Variants in NUP93 observed in about 807,000 individuals in gnomAD.
The protein encoded by NUP93 is nucleoporin 93, also known as nuclear pore complex protein Nup93.
Under a neutral mutation model 107.8 loss-of-function variants are expected in NUP93, and 55 were observed. That is an observed-to-expected ratio of 0.51 (90% CI 0.41 to 0.64). NUP93 has a LOEUF of 0.64. NUP93 is among the 30% of genes least tolerant of loss of function. NUP93 has a pLI of 0.00. For missense variants in NUP93, 937 were observed against 1,044.7 expected, an observed-to-expected ratio of 0.90 and a Z score of 1.42; for synonymous variants, 390 against 397.5, an observed-to-expected ratio of 0.98 and a Z score of 0.22.
rs1309794295 is a variant in NUP93, at chr16:56,779,934, G to C, written c.298-18542G>C. Among the ~76,000 whole-genome samples, 6 of 152,150 alleles carry C rather than the reference G, an allele frequency of 3.9e-5. No individual in the cohort carries two copies. The South Asian group carries it at 1.2e-3, about 32-fold the overall frequency. Reference sequence around the variant, plus strand: ...GACTTTAACCACACTTGGGTCTTTGGGTTCTTTTCATCCCCAGGCAGAGAT... The same window carrying C: ...GACTTTAACCACACTTGGGTCTTTGCGTTCTTTTCATCCCCAGGCAGAGAT... On this transcript the variant is annotated intron_variant, in intron 3 of 21. Transcript: ENST00000308159.
chr16:56,804,738 G>A (rs1028979334), intron 4 of NUP93, among the ~76,000 whole-genome samples: 9 of 151,974 alleles, frequency 5.9e-5, no homozygotes, highest in South Asian at 2.1e-4. Context: ...GTGAAACCCC[G>A]TCTCTAGTAA....
intron 5 of NUP93, among the ~76,000 whole-genome samples, chr16:56,810,938 C>G (rs1963302616): frequency 6.6e-6 from 1 of 152,120 alleles, no homozygotes; most frequent in South Asian, 2.1e-4. Context: ...TTTTATGTAA[C>G]CTTTTGTATA....
chr16:56,777,783 A>G (rs1318834555), intron 3 of NUP93, among the ~76,000 whole-genome samples: 1 of 152,192 alleles, frequency 6.6e-6, no homozygotes, highest in Non-Finnish European at 1.5e-5. Context: ...GCCTCGGTAC[A>G]TTGGCCAAGA....
At chr16:56,840,989 T>A (rs1405573343) in intron 20 of NUP93, among the ~76,000 whole-genome samples, 1 of 149,588 alleles carries the variant, frequency 6.7e-6, no homozygotes, top group African/African-American at 2.5e-5. Context: ...AGAGGGAGAC[T>A]TTGTCTCAAA....
At chr16:56,793,396 G>GTCA (rs1372437796) in intron 3 of NUP93, among the ~76,000 whole-genome samples, 7 of 152,136 alleles carry the variant, frequency 4.6e-5, no homozygotes, top group Admixed American at 2.0e-4. Context: ...AGCTCTGGGG[G>GTCA]TCATCATTAG....
rs77821562 is a variant in NUP93 at position 56,818,380 on chromosome 16, A to G, written c.490-284A>G. On this transcript the variant is annotated intron_variant, in intron 5 of 21. Coordinates refer to ENST00000308159, the MANE Select transcript of NUP93 (RefSeq NM_014669.5). ...TTGAGATTCAAACAGAATGTTGGAA[A>G]GATGTACATTTCCAGAAAAAGTCAT... 5.8e-3 allele frequency among the ~76,000 whole-genome samples: 885 copies of G among 152,336 alleles called. 11 individuals carry two copies. The highest frequency in any genetic ancestry group is 0.02 in the African/African-American group (817 of 41,580).
intron 1 of NUP93, among the ~76,000 whole-genome samples, chr16:56,745,807 A>G (rs1250636157): frequency 1.3e-5 from 2 of 152,230 alleles, no homozygotes; most frequent in South Asian, 4.1e-4. Context: ...TTATTTTACC[A>G]TTGTCAAAAA....
intron 9 of NUP93, among the ~76,000 whole-genome samples, chr16:56,829,837 T>C (rs892959196): frequency 6.6e-6 from 1 of 152,190 alleles, no homozygotes; most frequent in South Asian, 2.1e-4. Context: ...CAAGTTCAGA[T>C]CTGGGTTTTA....
chr16:56,783,473 T>A lies in NUP93; in HGVS notation c.298-15003T>A, dbSNP rs1295310313. On this transcript the variant is annotated intron_variant, in intron 3 of 21. Transcript: ENST00000308159. Reference sequence around the variant, plus strand: ...AGTGCAGCATTGCAAAGAATCGATTTCTGAGATGAGACAATGAGATGTGGT... The same window carrying A: ...AGTGCAGCATTGCAAAGAATCGATTACTGAGATGAGACAATGAGATGTGGT... 9 of 985,306 alleles carry A rather than the reference T, an allele frequency of 9.1e-6. No individual in the cohort carries two copies. In the African/African-American group the frequency reaches 1.2e-4, roughly 13 times the overall value. The allele number at this position is 985,306 out of a possible 1,614,324, so 61.0% of individuals were successfully genotyped here.
intron 3 of NUP93, among the ~76,000 whole-genome samples, chr16:56,794,656 C>T (rs369036357): frequency 3.3e-5 from 5 of 151,898 alleles, no homozygotes; most frequent in African/African-American, 1.2e-4. Flanking sequence ...AGGCTGGGCG[C>T]GGTGGCTCAT....
At chr16:56,731,724 G>A (rs575869368) in intron 1 of NUP93, among the ~76,000 whole-genome samples, 9 of 151,964 alleles carry the variant, frequency 5.9e-5, no homozygotes, top group Non-Finnish European at 1.2e-4. Context: ...TGTTTTTCAC[G>A]CCACAAATAA....
At position 56,847,494 on chromosome 16, in the gene NUP93, C is replaced by A. The variant is rs561958198; in HGVS notation, c.*2885C>A. 1 of 152,200 alleles carries A rather than the reference C, an allele frequency of 6.6e-6. No homozygotes were observed. Among genetic ancestry groups the A allele is most frequent in the Admixed American group, 6.5e-5 (1 of 15,276 alleles). The allele number at this position is 152,200 out of a possible 1,614,324, so 9.4% of individuals were successfully genotyped here. A position where few individuals can be genotyped will look rare whatever the true frequency, so the allele number is the denominator to read the frequency against. On this transcript the variant is annotated 3_prime_UTR_variant, in exon 22 of 22. Transcript: ENST00000308159. ...GATCTTTCTAATGAAATTGGGGGCACTTTGAGACTGTCAGGGTTTGTTCCT... is the reference window on the plus strand; with the variant it reads ...GATCTTTCTAATGAAATTGGGGGCAATTTGAGACTGTCAGGGTTTGTTCCT...
chr16:56,798,282 A>G (rs1472307780), intron 3 of NUP93, among the ~76,000 whole-genome samples, 194 bp from the exon 4 acceptor site: 7 of 152,356 alleles, frequency 4.6e-5, no homozygotes, highest in African/African-American at 1.2e-4. Context: ...TCTAACAATC[A>G]TCATGTGCTC....
At chr16:56,782,112 G>A (rs1962527244) in intron 3 of NUP93, 4 of 985,318 alleles carry the variant, frequency 4.1e-6, no homozygotes, top group South Asian at 9.4e-5. Flanking sequence ...AAAAACTTGA[G>A]CACTGGTTCC....
At chr16:56,740,145 C>G (rs1485144470) in intron 1 of NUP93, among the ~76,000 whole-genome samples, 1 of 145,080 alleles carries the variant, frequency 6.9e-6, no homozygotes, top group Non-Finnish European at 1.5e-5. Flanking sequence ...ACCTCCCTCC[C>G]GGACGGGGTG....
rs374203023 is a variant in NUP93, at chr16:56,823,681, T to A, written c.655-26T>A. ...TAATTTCTCTGGCCCTGCAGCATTG[T>A]CACATGCAGTTTCATTTATGTGCAG... On this transcript the variant is annotated intron_variant, in intron 7 of 21. Coordinates refer to ENST00000308159, the MANE Select transcript of NUP93 (RefSeq NM_014669.5). The A allele has an allele frequency of 5.6e-5, 90 of 1,612,054 alleles. 1 individual carries two copies. The highest frequency in any genetic ancestry group is 1.7e-4 in the South Asian group (15 of 90,902).
In NUP93 at chr16:56,798,458, A is replaced by G; in HGVS notation, c.298-18A>G. 1 of 1,610,672 alleles carries G rather than the reference A, an allele frequency of 6.2e-7. No homozygotes were observed. The highest frequency in any genetic ancestry group is 8.5e-7 in the Non-Finnish European group (1 of 1,177,018). ...TGAAAGTTAATTTTAAGTTGTGTTA[A>G]TTTTCCCCCATTTATAGGGCTTCCT... On this transcript the variant is annotated intron_variant, in intron 3 of 21. Transcript: ENST00000308159.
intron 8 of NUP93, among the ~76,000 whole-genome samples, chr16:56,827,631 G>T (rs79382425): frequency 0.028 from 4,273 of 152,220 alleles, 79 homozygotes; most frequent in Non-Finnish European, 0.042. Flanking sequence ...TAGGGCTACT[G>T]GCAAAAAAAT....
At chr16:56,810,195 G>C (rs765964390) in intron 5 of NUP93, among the ~76,000 whole-genome samples, 1 of 152,226 alleles carries the variant, frequency 6.6e-6, no homozygotes, top group Non-Finnish European at 1.5e-5. Flanking sequence ...GTTTGTAAAT[G>C]TTGGCAAGTG....
Sources: allele counts gnomAD v4.1 joint callset (sites outside exome capture counted in the v4.1 genomes callset), GRCh38; gene constraint gnomAD v4.1.1; transcripts MANE v1.5; gene names NCBI Gene and HGNC (gene_info 2026-07-23, HGNC 2026-07-21).